The following MYOM1 variants were observed in gnomAD, a reference collection of about 807,000 sequenced individuals.
The protein encoded by MYOM1 is myomesin-1.
Under a neutral mutation model 205.3 loss-of-function variants are expected in MYOM1, and 164 were observed. The ratio of observed to expected loss-of-function variants is 0.80; its 90% confidence interval spans 0.70 to 0.91. The LOEUF is 0.91. Among genes scored for constraint, MYOM1 ranks in the 40% least tolerant of loss-of-function variants. The pLI is 0.00. For missense variants in MYOM1, 2,011 were observed against 2,127.3 expected, an observed-to-expected ratio of 0.95 and a Z score of 1.08; for synonymous variants, 772 against 789.4, an observed-to-expected ratio of 0.98 and a Z score of 0.37.
At chr18:3,242,134 G>A in the MYOM1 span, among the ~76,000 whole-genome samples, 1 of 152,152 alleles carries the variant, frequency 6.6e-6, no homozygotes, top group African/African-American at 2.4e-5. Flanking sequence ...TAACACTTTG[G>A]GGGGCTGCTG....
intron 26 of MYOM1, chr18:3,093,771 C>A: frequency 6.4e-6 from 1 of 156,948 alleles, no homozygotes; most frequent in Non-Finnish European, 1.4e-5. Flanking sequence ...TTTTTCAGAG[C>A]CATTGGGACA....
intron 5 of MYOM1, among the ~76,000 whole-genome samples, chr18:3,186,777 GGAAGGAGA>G (rs1056545577): frequency 2.2e-5 from 3 of 134,902 alleles, no homozygotes; most frequent in African/African-American, 8.8e-5. Context: ...AAGGAAGGAA[GGAAGGAGA>G]GAGAGAAAGA....
Position 3,085,061 on chromosome 18 carries a change from C to T in MYOM1, c.4323G>A (p.Leu1441=). ...TGGACTGACCTTCATCCACAAGCTT[C>T]AGTCTGCTCTTATCTTTTCCTCGGT... ...KDDRGKDKSR[L]KLVDEAFKEL... Residue 1441 remains leucine, a synonymous_variant, in exon 31 of 38, where the codon CTG becomes CTA. Transcript: ENST00000356443. 6.2e-7 allele frequency: 1 copy of T among 1,606,538 alleles called. No homozygotes were observed. Among genetic ancestry groups the T allele is most frequent in the Non-Finnish European group, 8.5e-7 (1 of 1,176,282 alleles).
chr18:3,203,265 C>A (rs746455323), intron 2 of MYOM1, among the ~76,000 whole-genome samples: 5 of 149,000 alleles, frequency 3.4e-5, no homozygotes, highest in South Asian at 4.3e-4. Context: ...ACAAAACAAG[C>A]AGAAGGGCAA....
Position 3,083,782 on chromosome 18 carries a change from T to G in MYOM1, c.4484+7A>C, listed in dbSNP as rs2143682637. 6.5e-7 allele frequency: 1 copy of G among 1,548,494 alleles called. No individual in the cohort carries two copies. Among genetic ancestry groups the G allele is most frequent in the Non-Finnish European group, 8.8e-7 (1 of 1,140,860 alleles). On this transcript the variant is annotated splice_region_variant and intron_variant, in intron 33 of 37. Coordinates refer to ENST00000356443, the MANE Select transcript of MYOM1 (RefSeq NM_003803.4). ...TCTACACAGCAAGTAAGTTCTCATT[T>G]ACTTACTTGTGGGACCAGTTAACTT...
Position 3,067,568 on chromosome 18 carries a change from T to G in MYOM1, c.4765-13A>C. On this transcript the variant is annotated splice_polypyrimidine_tract_variant and intron_variant, in intron 37 of 37. Coordinates refer to ENST00000356443, the MANE Select transcript of MYOM1 (RefSeq NM_003803.4). Reference sequence around the variant, plus strand: ...TGAGATTAAGGGCCTGCAAGACAGGTTTTATGGGAGAGAAGAAGATAAATT... The same window carrying G: ...TGAGATTAAGGGCCTGCAAGACAGGGTTTATGGGAGAGAAGAAGATAAATT... 3 of 1,604,816 alleles carry G rather than the reference T, an allele frequency of 1.9e-6. No individual in the cohort carries two copies. Among genetic ancestry groups the G allele is most frequent in the Non-Finnish European group, 2.6e-6 (3 of 1,173,340 alleles).
At chr18:3,087,681 G>A (rs1177951566) in intron 29 of MYOM1, among the ~76,000 whole-genome samples, 1 of 152,018 alleles carries the variant, frequency 6.6e-6, no homozygotes, top group African/African-American at 2.4e-5. Flanking sequence ...GTAGAGACGG[G>A]GTTTCACCAT....
At chr18:3,196,353 T>C (rs1454865706) in intron 2 of MYOM1, among the ~76,000 whole-genome samples, 1 of 152,214 alleles carries the variant, frequency 6.6e-6, no homozygotes, top group Non-Finnish European at 1.5e-5. Flanking sequence ...GATTTTAAAT[T>C]TCTTTGATCT....
intron 2 of MYOM1, among the ~76,000 whole-genome samples, chr18:3,195,201 C>CA (rs2080977970): frequency 6.6e-6 from 1 of 152,238 alleles, no homozygotes; most frequent in Non-Finnish European, 1.5e-5. Flanking sequence ...GCAGGGCAGG[C>CA]AGCGGCCCCT....
rs1345760680 is a variant in MYOM1, at chr18:3,176,218, AG to A, written c.930-85del. 23 of 801,770 alleles carry A rather than the reference AG, an allele frequency of 2.9e-5. No homozygotes were observed. In the Admixed American group the frequency reaches 3.7e-4, roughly 13 times the overall value. 49.7% of individuals were successfully genotyped at this position (801,770 alleles called of 1,614,324 possible). On this transcript the variant is annotated intron_variant, in intron 5 of 37. Transcript: ENST00000356443. Reference sequence around the variant, plus strand: ...ACACACACACAATTCTTGTTCTTGCAGGAACATCTGTAAACAGGGCACTGAG... The same window carrying A: ...ACACACACACAATTCTTGTTCTTGCAGAACATCTGTAAACAGGGCACTGAG...
chr18:3,186,699 T>C lies in MYOM1; in HGVS notation c.929+781A>G, dbSNP rs529540427. ...AAAACAAATTGATGCAACTTGCTTA[T>C]GCTCTCTGGTAAAAAAAATAAATAA... is the stretch of plus-strand genomic sequence containing the variant. On this transcript the variant is annotated intron_variant, in intron 5 of 37. Coordinates refer to ENST00000356443, the MANE Select transcript of MYOM1 (RefSeq NM_003803.4). 3.6e-4 allele frequency among the ~76,000 whole-genome samples: 54 copies of C among 150,010 alleles called. 1 individual carries two copies. The highest frequency in any genetic ancestry group is 1.1e-3 in the African/African-American group (43 of 40,774).
chr18:3,076,682 G>A (rs564012728), intron 34 of MYOM1, among the ~76,000 whole-genome samples: 2 of 151,576 alleles, frequency 1.3e-5, no homozygotes, highest in South Asian at 2.1e-4. Context: ...TGTGCCTGCC[G>A]AGTAAGCCAC....
At chr18:3,068,523 C>T (rs1229103348) in intron 37 of MYOM1, among the ~76,000 whole-genome samples, 1 of 152,092 alleles carries the variant, frequency 6.6e-6, no homozygotes, top group Non-Finnish European at 1.5e-5. Flanking sequence ...TATACCCACA[C>T]CCACCTCTCC....
rs546279348 is a variant in MYOM1, at chr18:3,102,579, T to A, written c.3470A>T (p.Asn1157Ile). Residue 1157 changes from asparagine to isoleucine, a missense_variant, in exon 23 of 38, where the codon AAC becomes ATC. Physicochemically the swap from Asn to Ile is moderately radical, Grantham distance 149. Coordinates refer to ENST00000356443, the MANE Select transcript of MYOM1 (RefSeq NM_003803.4). ...TGGAGTCATCTTATCACACTCGAAG[T>A]TCAATGAAATGACTCCATCATCATC... Reference protein sequence around the residue: ...NVDDDGVISLNFECDKMTPKS... With the variant: ...NVDDDGVISLIFECDKMTPKS... 6.2e-7 allele frequency: 1 copy of A among 1,613,884 alleles called. No individual in the cohort carries two copies. The highest frequency in any genetic ancestry group is 1.7e-5 in the Admixed American group (1 of 60,016).
intron 2 of MYOM1, among the ~76,000 whole-genome samples, chr18:3,204,361 A>AT (rs2081105862): frequency 6.6e-6 from 1 of 152,036 alleles, no homozygotes; most frequent in Admixed American, 6.5e-5. Flanking sequence ...GTTGGTACTA[A>AT]TAAATGAGTT....
the MYOM1 span, among the ~76,000 whole-genome samples, chr18:3,238,284 C>T: frequency 6.6e-6 from 1 of 152,094 alleles, no homozygotes; most frequent in African/African-American, 2.4e-5. Flanking sequence ...AAAGCCACTG[C>T]CGATCTGACA....
chr18:3,119,865 T>C lies in MYOM1; in HGVS notation c.3118+4A>G. Reference sequence around the variant, plus strand: ...CGGTGTGGAGGCAGGTGTCTGTGGTTTACCTGGGACGGCGATGGTCCACTC... The same window carrying C: ...CGGTGTGGAGGCAGGTGTCTGTGGTCTACCTGGGACGGCGATGGTCCACTC... On this transcript the variant is annotated splice_donor_region_variant and intron_variant, in intron 20 of 37. Transcript: ENST00000356443. 6.2e-7 allele frequency: 1 copy of C among 1,600,204 alleles called. No individual in the cohort carries two copies. Among genetic ancestry groups the C allele is most frequent in the Non-Finnish European group, 8.5e-7 (1 of 1,171,326 alleles).
intron 2 of MYOM1, among the ~76,000 whole-genome samples, chr18:3,196,709 A>G (rs566224369): frequency 5.9e-5 from 9 of 152,336 alleles, no homozygotes; most frequent in African/African-American, 1.9e-4. Context: ...TACAGTTAAC[A>G]GATTTTAAAT....
At chr18:3,245,499 G>C in the MYOM1 span, among the ~76,000 whole-genome samples, 3 of 152,240 alleles carry the variant, frequency 2.0e-5, no homozygotes, top group Non-Finnish European at 4.4e-5. Context: ...AGAGGCCTTT[G>C]ATGGTGGGTC....
Sources: allele counts gnomAD v4.1 joint callset (sites outside exome capture counted in the v4.1 genomes callset), GRCh38; gene constraint gnomAD v4.1.1; transcripts MANE v1.5; gene names NCBI Gene and HGNC (gene_info 2026-07-23, HGNC 2026-07-21).